Variants in ZBTB25 observed in about 807,000 individuals in gnomAD.
The protein encoded by ZBTB25 is zinc finger and BTB domain containing 25.
A neutral mutation model predicts 34.2 loss-of-function variants in ZBTB25; 20 were observed. The ratio of observed to expected loss-of-function variants is 0.58; its 90% CI spans 0.41 to 0.85. ZBTB25 has a LOEUF of 0.85. ZBTB25 is among the 40% of genes least tolerant of loss of function. ZBTB25 has a pLI of 0.00. For missense variants in ZBTB25, 437 were observed against 521.8 expected (o/e 0.84, Z 1.58); for synonymous variants, 175 against 186.4 (o/e 0.94, Z 0.50).
intron 1 of ZBTB25, chr14:64,502,624 C>A (rs2198347): frequency 0.3 from 293,092 of 984,512 alleles, 45,230 homozygotes; most frequent in Non-Finnish European, 0.32. Flanking sequence ...TTCTCCATAA[C>A]CTGAATCAAG....
chr14:64,489,758 A>T (rs1240721361), intron 2 of ZBTB25, among the ~76,000 whole-genome samples: 3 of 149,644 alleles, frequency 2.0e-5, no homozygotes, highest in Non-Finnish European at 4.5e-5. Context: ...CTGGTCTCGA[A>T]CTCCTGACCT....
chr14:64,502,749 G>C (rs964654314), intron 1 of ZBTB25: 2 of 982,014 alleles, frequency 2.0e-6, no homozygotes, highest in African/African-American at 1.8e-5. Context: ...TGGAGCCTTG[G>C]AGTCTTAGCT....
At chr14:64,451,547 T>C (rs1207941844) in intron 2 of ZBTB25, among the ~76,000 whole-genome samples, 1 of 152,216 alleles carries the variant, frequency 6.6e-6, no homozygotes, top group Non-Finnish European at 1.5e-5. Flanking sequence ...TTTAGAAAAA[T>C]GCCATAAACA....
chr14:64,463,341 G>A (rs979984950), intron 2 of ZBTB25: 2 of 152,024 alleles, frequency 1.3e-5, no homozygotes, highest in African/African-American at 4.8e-5. Context: ...CTGTGTGAGT[G>A]ACTCTGTGTG....
At chr14:64,459,142 G>A (rs902255713) in intron 2 of ZBTB25, among the ~76,000 whole-genome samples, 60 of 152,282 alleles carry the variant, frequency 3.9e-4, no homozygotes, top group African/African-American at 1.4e-3. Context: ...AATCTATCTG[G>A]ATATTTTCAG....
chr14:64,462,385 G>C (rs576993523), intron 2 of ZBTB25: 1 of 152,408 alleles, frequency 6.6e-6, no homozygotes, highest in Admixed American at 6.5e-5. Flanking sequence ...CTGAGCCACC[G>C]CATTCCAGCC....
chr14:64,458,245 C>T, intron 2 of ZBTB25: 1 of 1,613,216 alleles, frequency 6.2e-7, no homozygotes, highest in Non-Finnish European at 8.5e-7. Context: ...CCCACCCGGC[C>T]CTGTTTTTAT....
At chr14:64,476,222 A>G (rs1224693330), downstream of ZBTB25, among the ~76,000 whole-genome samples, 1 of 152,246 alleles carries the variant, frequency 6.6e-6, no homozygotes, top group Non-Finnish European at 1.5e-5. Flanking sequence ...TGCTAATCAA[A>G]TATATATAAA....
At chr14:64,456,172 G>A (rs1272518636) in intron 2 of ZBTB25, among the ~76,000 whole-genome samples, 1 of 152,120 alleles carries the variant, frequency 6.6e-6, no homozygotes, top group Non-Finnish European at 1.5e-5. Context: ...AGGCCAGTGA[G>A]AGTCAGGCTG....
chr14:64,489,995 G>A (rs1022291774), intron 2 of ZBTB25, among the ~76,000 whole-genome samples: 5 of 149,612 alleles, frequency 3.3e-5, no homozygotes, highest in Admixed American at 6.6e-5. Context: ...ATCACCTGAG[G>A]TCAGGAGTTT....
intron 2 of ZBTB25, among the ~76,000 whole-genome samples, chr14:64,464,036 A>ATTT (rs3062428): frequency 2.0e-4 from 29 of 145,576 alleles, no homozygotes; most frequent in Non-Finnish European, 3.3e-4. Flanking sequence ...GGCTGACTGA[A>ATTT]TTTTTTTTTT....
At chr14:64,458,296 T>G in intron 2 of ZBTB25, 3 of 1,611,484 alleles carry the variant, frequency 1.9e-6, no homozygotes. Context: ...GTGAATGGAT[T>G]ATTCTAAACA....
chr14:64,454,311 C>T (rs2078428661), intron 2 of ZBTB25, among the ~76,000 whole-genome samples: 1 of 152,092 alleles, frequency 6.6e-6, no homozygotes, highest in Admixed American at 6.5e-5. Flanking sequence ...TGGGGTTTTG[C>T]CCTGTTGCCC....
chr14:64,505,097 C>T (rs988693019), upstream of ZBTB25: 12 of 353,494 alleles, frequency 3.4e-5, no homozygotes, highest in African/African-American at 6.4e-5. Context: ...GACCCGGTGA[C>T]GGGCGGCTGC....
At chr14:64,501,903 G>C (rs770558912) in intron 1 of ZBTB25, among the ~76,000 whole-genome samples, 3 of 152,182 alleles carry the variant, frequency 2.0e-5, no homozygotes, top group Non-Finnish European at 4.4e-5. Flanking sequence ...AACCACAGGC[G>C]CCAATAAATC....
At chr14:64,459,509 T>C (rs2078528182) in intron 2 of ZBTB25, among the ~76,000 whole-genome samples, 1 of 152,236 alleles carries the variant, frequency 6.6e-6, no homozygotes, top group African/African-American at 2.4e-5. Flanking sequence ...AGGGTATGTG[T>C]GATACTCGAA....
At chr14:64,502,883 A>C in intron 1 of ZBTB25, 1 of 985,226 alleles carries the variant, frequency 1.0e-6, no homozygotes, top group Non-Finnish European at 1.2e-6. Flanking sequence ...TTAAGATTCC[A>C]AAGTGTACTT....
At chr14:64,471,144 A>C (rs1418626927) in intron 2 of ZBTB25, 2 of 155,710 alleles carry the variant, frequency 1.3e-5, no homozygotes, top group African/African-American at 5.1e-5. Flanking sequence ...TTTCATCACT[A>C]TTTTCTTTTC....
chr14:64,500,475 A>AAAAAAAAAAAAAAAG (rs35009526), intron 1 of ZBTB25, among the ~76,000 whole-genome samples: 8 of 70,594 alleles, frequency 1.1e-4, no homozygotes, highest in Admixed American at 2.1e-4. Context: ...AAAAAAAAAA[A>AAAAAAAAAAAAAAAG]AGAGAGAGAG....
Sources: gnomAD v4.1 joint callset for allele counts (sites outside exome capture counted in the v4.1 genomes callset) on GRCh38, gnomAD v4.1.1 for gene constraint, MANE v1.5 for transcripts, NCBI Gene and HGNC (gene_info 2026-07-23, HGNC 2026-07-21) for gene names.